Variants in GYPC observed in about 807,000 individuals in gnomAD.
GYPC encodes glycophorin C (Gerbich blood group), also known as glycophorin-C.
GYPC carries 14 observed loss-of-function variants against 12.6 expected under a neutral mutation model. The observed-to-expected ratio is 1.11, with a 90% confidence interval of 0.74 to 1.74. The LOEUF (loss-of-function observed/expected upper bound fraction) is 1.74, where lower values mean the gene tolerates loss of function less well. Among genes scored for constraint, GYPC ranks in the 40% most tolerant of loss-of-function variants. The pLI, the probability that GYPC is intolerant of heterozygous loss-of-function variation, is 0.00. For synonymous variants in GYPC, 78 were observed against 62.1 expected (o/e 1.26, Z -1.20); for missense variants, 225 against 172.1 (o/e 1.31, Z -1.72).
At chr2:126,667,412 T>A (rs1410216768) in intron 1 of GYPC, among the ~76,000 whole-genome samples, 1 of 151,342 alleles carries the variant, frequency 6.6e-6, no homozygotes, top group Non-Finnish European at 1.5e-5. Flanking sequence ...TTTCTTTTTT[T>A]TTTTTTTGGA....
rs111987999 is a variant in GYPC, at chr2:126,656,401, C to T, written c.49+89C>T. The T allele has an allele frequency of 2.6e-6, 3 of 1,171,910 alleles. No homozygotes were observed. In the Admixed American group the frequency reaches 6.1e-5, roughly 24 times the overall value. 72.6% of individuals were successfully genotyped at this position (1,171,910 alleles called of 1,614,324 possible). A position where few individuals can be genotyped will look rare whatever the true frequency, so the allele number is the denominator to read the frequency against. ...GGGGCCGAGCCACGGCCACGGACGC[C>T]CTGGTGTCCCGGTCCGTGCCGGGCC... is the stretch of plus-strand genomic sequence containing the variant. On this transcript the variant is annotated intron_variant, in intron 1 of 3. Transcript: ENST00000259254.
Position 126,696,181 on chromosome 2 carries a change from C to T in GYPC, c.*39C>T, listed in dbSNP as rs760104274. The T allele has an allele frequency of 6.1e-6, 9 of 1,467,320 alleles. No homozygotes were observed. Among genetic ancestry groups the T allele is most frequent in the Non-Finnish European group, 8.6e-6 (9 of 1,049,336 alleles). The allele number at this position is 1,467,320 out of a possible 1,614,324, so 90.9% of individuals were successfully genotyped here. A position where few individuals can be genotyped will look rare whatever the true frequency, so the allele number is the denominator to read the frequency against. On this transcript the variant is annotated 3_prime_UTR_variant, in exon 4 of 4. Transcript: ENST00000259254. ...TCACTTCCCTGAATGCCTCCCCCAT[C>T]TCCATCAGGAAAAATACACCCCATC...
At position 126,693,342 on chromosome 2, in the gene GYPC, T is replaced by C. The variant is rs4450550; in HGVS notation, c.107-522T>C. 7.3e-4 allele frequency among the ~76,000 whole-genome samples: 105 copies of C among 144,054 alleles called. 1 individual carries two copies. Among genetic ancestry groups the C allele is most frequent in the East Asian group, 4.3e-3 (21 of 4,934 alleles). 94.5% of individuals were successfully genotyped at this position (144,054 alleles called of 152,430 possible). On this transcript the variant is annotated intron_variant, in intron 2 of 3. Transcript: ENST00000259254. ...TTCTGCTTTTTGCCATGAGTGGGAG[T>C]AGTATGAGGCCCTCACCAGATGCAG... is the stretch of plus-strand genomic sequence containing the variant.
intron 1 of GYPC, among the ~76,000 whole-genome samples, chr2:126,671,958 C>T (rs1257420500): frequency 6.6e-6 from 1 of 152,152 alleles, no homozygotes; most frequent in Non-Finnish European, 1.5e-5. Flanking sequence ...GTGAGTGATC[C>T]AGACATGGGG....
chr2:126,674,224 T>C (rs1272235828), intron 1 of GYPC, among the ~76,000 whole-genome samples: 1 of 152,188 alleles, frequency 6.6e-6, no homozygotes, highest in Non-Finnish European at 1.5e-5. Flanking sequence ...ACTGAGCCTC[T>C]TATCAGTCAG....
At chr2:126,672,272 A>G (rs1426752022) in intron 1 of GYPC, among the ~76,000 whole-genome samples, 1 of 152,132 alleles carries the variant, frequency 6.6e-6, no homozygotes, top group Non-Finnish European at 1.5e-5. Flanking sequence ...AGCCCTAACA[A>G]GAGACTGAGA....
intron 1 of GYPC, chr2:126,680,298 A>T (rs1306234207): frequency 2.6e-5 from 4 of 152,060 alleles, no homozygotes; most frequent in African/African-American, 9.7e-5. Flanking sequence ...ATGGAGAAAG[A>T]TGAGGCCAAG....
chr2:126,667,994 C>T (rs2104777164), intron 1 of GYPC, among the ~76,000 whole-genome samples: 1 of 152,262 alleles, frequency 6.6e-6, no homozygotes, highest in South Asian at 2.1e-4. Flanking sequence ...AGTCAAAAAG[C>T]TGATTAGAGA....
chr2:126,672,089 A>G (rs777617244), intron 1 of GYPC, among the ~76,000 whole-genome samples: 1 of 152,082 alleles, frequency 6.6e-6, no homozygotes, highest in Non-Finnish European at 1.5e-5. Flanking sequence ...AGGGAGGGAA[A>G]AGGTAACTGA....
chr2:126,662,894 C>T (rs1454097919), intron 1 of GYPC, among the ~76,000 whole-genome samples: 1 of 152,286 alleles, frequency 6.6e-6, no homozygotes, highest in Admixed American at 6.5e-5. Context: ...CCTGCTCCCT[C>T]CTTGCTCTCC....
At chr2:126,689,193 TCAGA>T (rs953099830) in intron 1 of GYPC, among the ~76,000 whole-genome samples, 29 of 152,030 alleles carry the variant, frequency 1.9e-4, no homozygotes, top group African/African-American at 7.0e-4. Flanking sequence ...GAATGACTCC[TCAGA>T]CAGGAGCCCT....
At chr2:126,675,795 TG>T in intron 1 of GYPC, 1 of 405,544 alleles carries the variant, frequency 2.5e-6, no homozygotes, top group African/African-American at 2.2e-5. Context: ...GTAGTGATGG[TG>T]GAAGAAGTAA....
intron 1 of GYPC, among the ~76,000 whole-genome samples, chr2:126,685,380 T>G (rs1215074025): frequency 7.2e-6 from 1 of 139,740 alleles, no homozygotes; most frequent in Admixed American, 7.0e-5. Context: ...AAATTGACTT[T>G]TCTTTCTTTC....
intron 1 of GYPC, among the ~76,000 whole-genome samples, chr2:126,681,636 A>C (rs1683150866): frequency 6.6e-6 from 1 of 152,202 alleles, no homozygotes; most frequent in Non-Finnish European, 1.5e-5. Context: ...GACCTATGTC[A>C]GGCACTGTGT....
chr2:126,679,882 A>G (rs1402812069), intron 1 of GYPC: 3 of 152,046 alleles, frequency 2.0e-5, no homozygotes, highest in Non-Finnish European at 4.4e-5. Context: ...TCTAAAAAAA[A>G]ATTAATTCAG....
intron 1 of GYPC, among the ~76,000 whole-genome samples, chr2:126,657,356 A>C (rs1311836993): frequency 6.6e-6 from 1 of 152,186 alleles, no homozygotes; most frequent in Non-Finnish European, 1.5e-5. Context: ...CTGCACTGGG[A>C]TCATCTGCAC....
At chr2:126,673,899 A>G (rs1682920939) in intron 1 of GYPC, among the ~76,000 whole-genome samples, 1 of 152,164 alleles carries the variant, frequency 6.6e-6, no homozygotes, top group Non-Finnish European at 1.5e-5. Context: ...CTTGGATTTA[A>G]GCTCGAGTCT....
chr2:126,671,522 A>C (rs1016961920), intron 1 of GYPC, among the ~76,000 whole-genome samples: 7 of 152,160 alleles, frequency 4.6e-5, no homozygotes, highest in African/African-American at 1.2e-4. Context: ...GGAGGCCATC[A>C]TTAGATTTGG....
chr2:126,679,089 T>C (rs907778549), intron 1 of GYPC, among the ~76,000 whole-genome samples: 2 of 152,322 alleles, frequency 1.3e-5, no homozygotes, highest in African/African-American at 4.8e-5. Flanking sequence ...GAAAATGCAA[T>C]TATATGATTT....
Sources: allele counts gnomAD v4.1 joint callset (sites outside exome capture counted in the v4.1 genomes callset), GRCh38; gene constraint gnomAD v4.1.1; transcripts MANE v1.5; gene names NCBI Gene and HGNC (gene_info 2026-07-23, HGNC 2026-07-21).